Variants in RINL observed in about 807,000 individuals in gnomAD.
RINL encodes Ras and Rab interactor like.
A neutral mutation model predicts 58.1 loss-of-function variants in RINL; 39 were observed. The ratio of observed to expected loss-of-function variants is 0.67; its 90% CI spans 0.52 to 0.88. The LOEUF (loss-of-function observed/expected upper bound fraction) is 0.88, where lower values mean the gene tolerates loss of function less well. Among genes scored for constraint, RINL ranks in the 40% least tolerant of loss-of-function variants. The pLI is 0.00. For missense variants in RINL, 711 were observed against 749.2 expected (o/e 0.95, Z 0.60); for synonymous variants, 286 against 323.1 (o/e 0.89, Z 1.23).
chr19:38,877,611 G>A (rs1219663861), intron 1 of RINL, among the ~76,000 whole-genome samples: 1 of 152,186 alleles, frequency 6.6e-6, no homozygotes, highest in East Asian at 1.9e-4. Flanking sequence ...ATTCTACCAT[G>A]AACATTTTAC....
In RINL at chr19:38,870,469, G is replaced by T; in HGVS notation, c.1024+101C>A. The T allele has an allele frequency of 7.4e-7, 1 of 1,349,958 alleles. No individual in the cohort carries two copies. Among genetic ancestry groups the T allele is most frequent in the Non-Finnish European group, 9.9e-7 (1 of 1,012,668 alleles). The allele number at this position is 1,349,958 out of a possible 1,614,324, so 83.6% of individuals were successfully genotyped here. On this transcript the variant is annotated intron_variant, in intron 8 of 11. Coordinates refer to ENST00000591812, the MANE Select transcript of RINL (RefSeq NM_001195833.2). This position sits in a 1 kb window ranked among gnomAD's most constrained non-coding sequence, Gnocchi z 5.8. ...GGCGATAGAACGCGTGGGATGTGTA[G>T]GAAGGGCGTGTGGGTGCAGAAGGAA...
intron 3 of RINL, among the ~76,000 whole-genome samples, chr19:38,875,699 A>T (rs551784940): frequency 2.6e-5 from 4 of 152,126 alleles, no homozygotes; most frequent in Admixed American, 2.6e-4. Context: ...AAGAAAAGAA[A>T]ACCTTTATTT....
chr19:38,868,942 C>T lies in RINL; in HGVS notation c.*162G>A, dbSNP rs904406632. On this transcript the variant is annotated 3_prime_UTR_variant, in exon 12 of 12. Coordinates refer to ENST00000591812, the MANE Select transcript of RINL (RefSeq NM_001195833.2). ...CTGAGTAGCTGGTACCACAGGAGTA[C>T]GCCACCACGCCCGGCTAATTTTTGT... 33 of 629,640 alleles carry T rather than the reference C, an allele frequency of 5.2e-5. No homozygotes were observed. Among genetic ancestry groups the T allele is most frequent in the East Asian group, 4.8e-4 (17 of 35,786 alleles). 39.0% of individuals were successfully genotyped at this position (629,640 alleles called of 1,614,324 possible). A position where few individuals can be genotyped will look rare whatever the true frequency, so the allele number is the denominator to read the frequency against.
chr19:38,869,066 G>T lies in RINL; in HGVS notation c.*38C>A. On this transcript the variant is annotated 3_prime_UTR_variant, in exon 12 of 12. Coordinates refer to ENST00000591812, the MANE Select transcript of RINL (RefSeq NM_001195833.2). The surrounding 1 kb of genome is among the most constrained non-coding windows in gnomAD (Gnocchi z 5.7). ...TCCTCCCACCTTGGCCTCCCAAAAT[G>T]TTGGGATTACAGGCATGAACGGAGG... 2 of 1,526,978 alleles carry T rather than the reference G, an allele frequency of 1.3e-6. No individual in the cohort carries two copies. Among genetic ancestry groups the T allele is most frequent in the Non-Finnish European group, 1.8e-6 (2 of 1,129,870 alleles). The allele number at this position is 1,526,978 out of a possible 1,614,324, so 94.6% of individuals were successfully genotyped here. A position where few individuals can be genotyped will look rare whatever the true frequency, so the allele number is the denominator to read the frequency against.
In RINL at chr19:38,871,164, T is replaced by C; in HGVS notation, c.515A>G (p.Gln172Arg). The change falls in exon 7 of 12, where the codon CAG (glutamine) becomes CGG (arginine). Residue 172 changes from glutamine (Q) to arginine (R), a missense_variant. Coordinates refer to ENST00000591812, the MANE Select transcript of RINL (RefSeq NM_001195833.2). ...TPGKVLSIVNQLYLETHRGWG... is the reference protein window; with the variant it reads ...TPGKVLSIVNRLYLETHRGWG... ...GCCTCTGTGGGTCTCCAGGTAGAGC[T>C]GGTTCACAATGGAAAGCACCTTCCC... 1 of 1,614,082 alleles carries C rather than the reference T, an allele frequency of 6.2e-7. No individual in the cohort carries two copies. Among genetic ancestry groups the C allele is most frequent in the African/African-American group, 1.3e-5 (1 of 75,032 alleles).
Position 38,869,645 on chromosome 19 carries a change from C to T in RINL, c.1402G>A (p.Asp468Asn). The T allele has an allele frequency of 6.2e-7, 1 of 1,613,958 alleles. No individual in the cohort carries two copies. Among genetic ancestry groups the T allele is most frequent in the Admixed American group, 1.7e-5 (1 of 60,014 alleles). The change falls in exon 10 of 12, where the codon GAC becomes AAC. Residue 468 changes from aspartate to asparagine, a missense_variant. Transcript: ENST00000591812. This position sits in a 1 kb window ranked among gnomAD's most constrained non-coding sequence, Gnocchi z 5.7. ...ACGTCCAGCTGCGTGTCCCCAATGT[C>T]CGGGCTCCAGATGAGTTCCTCGGTC... is the stretch of plus-strand genomic sequence containing the variant. ...ALTEELIWSP[D>N]IGDTQLDVEF...
chr19:38,870,988 G>A lies in RINL; in HGVS notation c.606C>T (p.Pro202=). Residue 202 remains proline, a synonymous_variant, in exon 8 of 12, where the codon CCC becomes CCT. Transcript: ENST00000591812. This position sits in a 1 kb window ranked among gnomAD's most constrained non-coding sequence, Gnocchi z 5.8. ...PEAAQRHDPA[P]RNPAPHGVSW... is the part of the protein sequence containing the mutation. Reference sequence around the variant, plus strand: ...AGACCCCGTGAGGCGCAGGGTTCCTGGGGGCTGGAAGTGAGGAGGGCATTC... The same window carrying A: ...AGACCCCGTGAGGCGCAGGGTTCCTAGGGGCTGGAAGTGAGGAGGGCATTC... The A allele has an allele frequency of 6.3e-7, 1 of 1,597,104 alleles. No individual in the cohort carries two copies. The highest frequency in any genetic ancestry group is 1.1e-5 in the South Asian group (1 of 89,176).
rs976051463 is a variant in RINL at position 38,876,749 on chromosome 19, G to T, written c.-7C>A. On this transcript the variant is annotated 5_prime_UTR_variant, in exon 2 of 12. Transcript: ENST00000591812. Reference sequence around the variant, plus strand: ...TGTCTTCTGGCTGGGCCATCGTCAGGTTGCAGGAAGCCAGTGAGTCATGAC... The same window carrying T: ...TGTCTTCTGGCTGGGCCATCGTCAGTTTGCAGGAAGCCAGTGAGTCATGAC... The T allele has an allele frequency of 3.9e-6, 6 of 1,535,896 alleles. No individual in the cohort carries two copies. Among genetic ancestry groups the T allele is most frequent in the African/African-American group, 1.4e-5 (1 of 73,030 alleles).
Position 38,869,807 on chromosome 19 carries a change from C to T in RINL, c.1343-103G>A, listed in dbSNP as rs1972758343. ...ACCACGAGGGCTGGCTGCCCCTCCA[C>T]CTTGTCGGGCATGACAGCGCCTCCT... is the stretch of plus-strand genomic sequence containing the variant. On this transcript the variant is annotated intron_variant, in intron 9 of 11. Transcript: ENST00000591812. This position sits in a 1 kb window ranked among gnomAD's most constrained non-coding sequence, Gnocchi z 5.7. The T allele has an allele frequency of 6.4e-7, 1 of 1,561,296 alleles. No individual in the cohort carries two copies. Among genetic ancestry groups the T allele is most frequent in the African/African-American group, 1.4e-5 (1 of 73,624 alleles).
In RINL at chr19:38,869,906, C is replaced by T. The variant is rs201734452; in HGVS notation, c.1342+37G>A. The T allele has an allele frequency of 7.4e-4, 1,150 of 1,562,112 alleles. No individual in the cohort carries two copies. The highest frequency in any genetic ancestry group is 9.3e-4 in the Non-Finnish European group (1,071 of 1,156,390). On this transcript the variant is annotated intron_variant, in intron 9 of 11. Transcript: ENST00000591812. This position sits in a 1 kb window ranked among gnomAD's most constrained non-coding sequence, Gnocchi z 5.7. ...TCCCGCCTGGCTCCAACTCTCAAGG[C>T]TCTCCCCACCACGCTAGACGTTGAC...
chr19:38,876,267 C>T, intron 3 of RINL, 64 bp downstream of exon 3: 1 of 1,452,696 alleles, frequency 6.9e-7, no homozygotes, highest in Non-Finnish European at 9.2e-7. Context: ...TCATGTTTGT[C>T]ACTAGTAACC....
chr19:38,877,947 GATA>G (rs1972978145), intron 1 of RINL, among the ~76,000 whole-genome samples: 2 of 152,252 alleles, frequency 1.3e-5, no homozygotes, highest in Non-Finnish European at 2.9e-5. Flanking sequence ...GTAGCATATG[GATA>G]ATAGGCAGCT....
Position 38,869,729 on chromosome 19 carries a change from T to C in RINL, c.1343-25A>G, listed in dbSNP as rs1972756141. On this transcript the variant is annotated intron_variant, in intron 9 of 11. Transcript: ENST00000591812. This position sits in a 1 kb window ranked among gnomAD's most constrained non-coding sequence, Gnocchi z 5.7. ...TCTGGGAAAACCAGAGGAAAGGTCT[T>C]GAGATGGATCCCCATCTCAAGGCGC... 6 of 1,613,104 alleles carry C rather than the reference T, an allele frequency of 3.7e-6. No individual in the cohort carries two copies. In the South Asian group the frequency reaches 5.5e-5, roughly 15 times the overall value.
Position 38,869,229 on chromosome 19 carries a change from A to G in RINL, c.1638+18T>C, listed in dbSNP as rs1223444982. 6.2e-7 allele frequency: 1 copy of G among 1,614,108 alleles called. No individual in the cohort carries two copies. Among genetic ancestry groups the G allele is most frequent in the Non-Finnish European group, 8.5e-7 (1 of 1,180,012 alleles). On this transcript the variant is annotated intron_variant, in intron 11 of 11. Coordinates refer to ENST00000591812, the MANE Select transcript of RINL (RefSeq NM_001195833.2). This position sits in a 1 kb window ranked among gnomAD's most constrained non-coding sequence, Gnocchi z 5.7. Reference sequence around the variant, plus strand: ...AGGTCTCACCCTCCCTTCTACTTGCAGCCAGATGGGCAGTCACCTGGGCTC... The same window carrying G: ...AGGTCTCACCCTCCCTTCTACTTGCGGCCAGATGGGCAGTCACCTGGGCTC...
At position 38,869,539 on chromosome 19, in the gene RINL, G is replaced by C. The variant is rs753361870; in HGVS notation, c.1474+34C>G. ...TTTGGGATCCCGGAGGTACTGGATC[G>C]CTGGGCTCCAGCATTCTGGAGTTGG... is the stretch of plus-strand genomic sequence containing the variant. On this transcript the variant is annotated intron_variant, in intron 10 of 11. Transcript: ENST00000591812. This position sits in a 1 kb window ranked among gnomAD's most constrained non-coding sequence, Gnocchi z 5.7. The C allele has an allele frequency of 6.2e-7, 1 of 1,610,100 alleles. No homozygotes were observed. The highest frequency in any genetic ancestry group is 1.7e-5 in the Admixed American group (1 of 59,658).
chr19:38,871,281 G>C (rs1242928239), intron 6 of RINL, 54 bp from the exon 7 acceptor site: 3 of 1,599,862 alleles, frequency 1.9e-6, no homozygotes, highest in African/African-American at 1.3e-5. Flanking sequence ...ACCAACCCTG[G>C]TCCCCTCAAG....
In RINL at chr19:38,876,415, G is replaced by A. The variant is rs1278148150; in HGVS notation, c.126C>T (p.Arg42=). Residue 42 remains arginine (R), a synonymous_variant, in exon 3 of 12, where the codon CGC becomes CGT. Transcript: ENST00000591812. Reference sequence around the variant, plus strand: ...GCCACACCCCCCATGTCCTCTGCAGGCGAGTAAGTGGCTCTAGGGTGCTGA... The same window carrying A: ...GCCACACCCCCCATGTCCTCTGCAGACGAGTAAGTGGCTCTAGGGTGCTGA... ...GVLSTLEPLT[R]LQRTWGVWHV... 5.2e-6 allele frequency: 8 copies of A among 1,535,966 alleles called. No individual in the cohort carries two copies. The Admixed American group carries it at 7.8e-5, about 15-fold the overall frequency.
Position 38,869,673 on chromosome 19 carries a change from C to T in RINL, c.1374G>A (p.Ala458=). ...GGCTCCAGATGAGTTCCTCGGTCAGCGCCGGCAGGAAGGCGTCGGCCCCCA... is the reference window on the plus strand; with the variant it reads ...GGCTCCAGATGAGTTCCTCGGTCAGTGCCGGCAGGAAGGCGTCGGCCCCCA... ...DPLGADAFLP[A]LTEELIWSPD... The change falls in exon 10 of 12, where the codon GCG becomes GCA. Residue 458 remains alanine, a synonymous_variant. Transcript: ENST00000591812. The surrounding 1 kb of genome is among the most constrained non-coding windows in gnomAD (Gnocchi z 5.7). The T allele has an allele frequency of 6.2e-7, 1 of 1,613,924 alleles. No homozygotes were observed.
Position 38,870,621 on chromosome 19 carries a change from C to T in RINL, c.973G>A (p.Ala325Thr), listed in dbSNP as rs1339019311. ...CCAGGACCCCTGCTTCCAAAGACAG[C>T]CCTGATGTAGGAGTCCTTTGCCAGG... ...DHLAKDSYIR[A>T]VFGSRGPGLP... The change falls in exon 8 of 12, where the codon GCT becomes ACT. Residue 325 changes from alanine to threonine, a missense_variant. Physicochemically the swap from Ala to Thr is moderately conservative, Grantham distance 58. Transcript: ENST00000591812. The surrounding 1 kb of genome is among the most constrained non-coding windows in gnomAD (Gnocchi z 5.8). The T allele has an allele frequency of 6.2e-7, 1 of 1,610,596 alleles. No individual in the cohort carries two copies. Among genetic ancestry groups the T allele is most frequent in the Non-Finnish European group, 8.5e-7 (1 of 1,178,222 alleles).
Sources: gnomAD v4.1 joint callset for allele counts (sites outside exome capture counted in the v4.1 genomes callset) on GRCh38, gnomAD v4.1.1 for gene constraint, Gnocchi (gnomAD v3.1) non-coding constraint, MANE v1.5 for transcripts, NCBI Gene and HGNC (gene_info 2026-07-23, HGNC 2026-07-21) for gene names.